CSMD2: variants seen among roughly 807,000 people sequenced by gnomAD.
CSMD2 encodes CUB and sushi domain-containing protein 2.
In CSMD2, 130 loss-of-function variants were observed where a neutral mutation model predicts 398.5. The ratio of observed to expected loss-of-function variants is 0.33; its 90% CI spans 0.28 to 0.38. The LOEUF is 0.38. CSMD2 is among the 10% of genes least tolerant of loss of function. The probability of loss-of-function intolerance (pLI) is 1.00; values close to 1 mark genes in which losing one functional copy is unlikely to be tolerated. For synonymous variants in CSMD2, 1,828 were observed against 1,908.5 expected, an observed-to-expected ratio of 0.96 and a Z score of 1.10; for missense variants, 3,829 against 4,764.9, an observed-to-expected ratio of 0.80 and a Z score of 5.78.
intron 1 of CSMD2, among the ~76,000 whole-genome samples, chr1:34,095,496 A>C (rs960124893): frequency 6.5e-4 from 99 of 151,424 alleles, no homozygotes; most frequent in Non-Finnish European, 1.2e-3. Context: ...GGATCAACAA[A>C]ATAGATAGAC....
At position 34,109,040 on chromosome 1, in the gene CSMD2, A is replaced by G. The variant is rs148207743; in HGVS notation, c.188-19847T>C. Among the ~76,000 whole-genome samples the G allele has an allele frequency of 9.6e-3, 1,461 of 152,284 alleles. 21 individuals carry two copies. Among genetic ancestry groups the G allele is most frequent in the African/African-American group, 0.034 (1,405 of 41,558 alleles). On this transcript the variant is annotated intron_variant, in intron 1 of 70. Coordinates refer to ENST00000373381, the MANE Select transcript of CSMD2 (RefSeq NM_001281956.2). Reference sequence around the variant, plus strand: ...GTTGGATGCATCCTCTTGTTTCTCCATAGCAGCCCAACCCCCTCATTCCTC... The same window carrying G: ...GTTGGATGCATCCTCTTGTTTCTCCGTAGCAGCCCAACCCCCTCATTCCTC...
chr1:33,577,388 G>A lies in CSMD2; in HGVS notation c.7484C>T (p.Ala2495Val). 3.7e-6 allele frequency: 6 copies of A among 1,614,192 alleles called. No individual in the cohort carries two copies. In the South Asian group the frequency reaches 5.5e-5, roughly 15 times the overall value. ...GCTGTGTCCCACCAGGCGGTAGCCG[G>A]CGTTGCAGCCAAAGTGGATGGAGCC... ...PGGSIHFGCN[A>V]GYRLVGHSMA... The change falls in exon 49 of 71, where the codon GCC (alanine) becomes GTC (valine). Residue 2495 changes from alanine (A) to valine (V), a missense_variant. Ala to Val is a moderately conservative substitution (Grantham distance 64). Transcript: ENST00000373381.
At chr1:34,083,067 A>C (rs1657435240) in intron 2 of CSMD2, among the ~76,000 whole-genome samples, 1 of 150,648 alleles carries the variant, frequency 6.6e-6, no homozygotes, top group Non-Finnish European at 1.5e-5. Flanking sequence ...ATGATCAATA[A>C]ATACTAAAAA....
intron 2 of CSMD2, among the ~76,000 whole-genome samples, chr1:34,085,189 T>G (rs945757971): frequency 1.3e-5 from 2 of 151,758 alleles, no homozygotes; most frequent in East Asian, 2.0e-4. Flanking sequence ...ATGACAACAC[T>G]TGGACACAGG....
chr1:33,936,613 G>C (rs1029449592), intron 3 of CSMD2, among the ~76,000 whole-genome samples: 17 of 152,224 alleles, frequency 1.1e-4, no homozygotes, highest in Admixed American at 5.2e-4. Flanking sequence ...ATGGTCACCT[G>C]CAAGTGTGCT....
At chr1:34,148,782 T>C (rs1438734517) in intron 1 of CSMD2, among the ~76,000 whole-genome samples, 1 of 152,212 alleles carries the variant, frequency 6.6e-6, no homozygotes, top group Non-Finnish European at 1.5e-5. Flanking sequence ...GGGTCGGCCT[T>C]ATTCTAAAGT....
intron 12 of CSMD2, among the ~76,000 whole-genome samples, chr1:33,778,001 G>C (rs1007953475): frequency 6.6e-6 from 1 of 152,150 alleles, no homozygotes; most frequent in African/African-American, 2.4e-5. Context: ...ACATGAGGCT[G>C]GGAGGCTTCA....
intron 58 of CSMD2, among the ~76,000 whole-genome samples, chr1:33,542,429 C>T (rs750090505): frequency 6.6e-5 from 10 of 152,220 alleles, no homozygotes; most frequent in Non-Finnish European, 1.5e-4. Flanking sequence ...ATATTCTCTG[C>T]CTCTCTGAGC....
intron 6 of CSMD2, among the ~76,000 whole-genome samples, chr1:33,836,475 G>C (rs926524756): frequency 6.6e-6 from 1 of 152,338 alleles, no homozygotes; most frequent in Non-Finnish European, 1.5e-5. Context: ...AATCTACAGA[G>C]GCAGACCAGC....
At position 34,164,921 on chromosome 1, in the gene CSMD2, C is replaced by T; in HGVS notation, c.177G>A (p.Ser59=). The T allele has an allele frequency of 8.2e-7, 1 of 1,219,462 alleles. No homozygotes were observed. The highest frequency in any genetic ancestry group is 4.3e-5 in the Admixed American group (1 of 23,198). 75.5% of individuals were successfully genotyped at this position (1,219,462 alleles called of 1,614,324 possible). A position where few individuals can be genotyped will look rare whatever the true frequency, so the allele number is the denominator to read the frequency against. The stretch of plus-strand genomic sequence containing the variant: ...CGCGGCTGGACTCACCCGCGGCGGC[C>T]GAGACGCTGAGCAACCCACAGCCCA... ...LLLGCGLLSV[S]AAAGQNCTFQ... is the part of the protein sequence containing the mutation. Residue 59 remains serine (S), a synonymous_variant, in exon 1 of 71, where the codon TCG becomes TCA. Transcript: ENST00000373381. This position sits in a 1 kb window ranked among gnomAD's most constrained non-coding sequence, Gnocchi z 6.2.
At chr1:33,556,967 A>G (rs1658047025) in intron 55 of CSMD2, among the ~76,000 whole-genome samples, 1 of 152,136 alleles carries the variant, frequency 6.6e-6, no homozygotes, top group Non-Finnish European at 1.5e-5. Context: ...TTTATAAATT[A>G]CCCAGTCTTG....
At chr1:33,999,959 C>A (rs187909758) in intron 3 of CSMD2, among the ~76,000 whole-genome samples, 1 of 152,008 alleles carries the variant, frequency 6.6e-6, no homozygotes, top group East Asian at 1.9e-4. Flanking sequence ...TAAAGATGTC[C>A]AGTGAAGGTA....
chr1:33,774,767 G>A (rs1319531359), intron 12 of CSMD2, among the ~76,000 whole-genome samples: 2 of 152,172 alleles, frequency 1.3e-5, no homozygotes, highest in Non-Finnish European at 2.9e-5. Context: ...GGGATCCTAA[G>A]GGGGATGAAG....
At chr1:33,878,422 C>T (rs1376481894) in intron 5 of CSMD2, 1 of 152,316 alleles carries the variant, frequency 6.6e-6, no homozygotes, top group East Asian at 1.9e-4. Flanking sequence ...ACATGGGCCT[C>T]CCTTGAGCTG....
At chr1:33,655,319 C>T (rs772437259) in intron 27 of CSMD2, among the ~76,000 whole-genome samples, 6 of 152,276 alleles carry the variant, frequency 3.9e-5, no homozygotes, top group South Asian at 2.1e-4. Context: ...TTCCTCATCT[C>T]GAAAGTAAAA....
rs139840174 is a variant in CSMD2 at position 33,541,139 on chromosome 1, C to T, written c.9448G>A (p.Val3150Ile). The change falls in exon 59 of 71, where the codon GTC becomes ATC. Residue 3150 changes from valine (V) to isoleucine (I), a missense_variant. This residue lies in a region of CSMD2 where 917 missense variants were observed against 1,199.5 expected (regional missense o/e 0.76). Transcript: ENST00000373381. ...KDRTWNGTKP[V>I]CKALMCKPPP... ...GCAGCCCCAGACACACCTTTGCAGA[C>T]GGGCTTGGTTCCATTCCATGTCCGG... The T allele has an allele frequency of 1.2e-4, 186 of 1,613,878 alleles. No homozygotes were observed. Among genetic ancestry groups the T allele is most frequent in the African/African-American group, 4.8e-4 (36 of 75,044 alleles).
At chr1:33,570,093 T>A (rs1389343975) in intron 51 of CSMD2, among the ~76,000 whole-genome samples, 1 of 152,042 alleles carries the variant, frequency 6.6e-6, no homozygotes, top group East Asian at 1.9e-4. Context: ...CTGCCACATA[T>A]GTGGTTACAT....
chr1:34,072,273 G>A (rs1414394080), intron 2 of CSMD2, among the ~76,000 whole-genome samples: 1 of 152,224 alleles, frequency 6.6e-6, no homozygotes, highest in Non-Finnish European at 1.5e-5. Context: ...TACTTGGGAA[G>A]TGTTTATTTG....
rs140250206 is a variant in CSMD2 at position 34,089,182 on chromosome 1, T to C, written c.199A>G (p.Thr67Ala). ...SVSAAAGQNC[T>A]FQLHGPNGTV... ...CCATTGGGACCGTGCAGTTGGAACG[T>C]GCAGTTCTGGCCTGGGAAAGAGAAA... Residue 67 changes from threonine (T) to alanine (A), a missense_variant, in exon 2 of 71, where the codon ACG (threonine) becomes GCG (alanine). Transcript: ENST00000373381. 13 of 1,613,996 alleles carry C rather than the reference T, an allele frequency of 8.1e-6. No individual in the cohort carries two copies. Among genetic ancestry groups the C allele is most frequent in the African/African-American group, 1.3e-5 (1 of 74,918 alleles).
Sources: gnomAD v4.1 joint callset for allele counts (sites outside exome capture counted in the v4.1 genomes callset) on GRCh38, gnomAD v4.1.1 for gene constraint, gnomAD v4.1.1 regional missense constraint, Gnocchi (gnomAD v3.1) non-coding constraint, MANE v1.5 for transcripts, NCBI Gene and HGNC (gene_info 2026-07-23, HGNC 2026-07-21) for gene names.